The following KCNQ5 variants were observed in gnomAD, a reference collection of about 807,000 sequenced individuals.
KCNQ5 encodes potassium voltage-gated channel subfamily KQT member 5.
A neutral mutation model predicts 98.2 loss-of-function variants in KCNQ5; 30 were observed. The observed-to-expected ratio is 0.31, with a 90% confidence interval of 0.23 to 0.41. The LOEUF (loss-of-function observed/expected upper bound fraction) is 0.41. Among genes scored for constraint, KCNQ5 ranks in the 10% least tolerant of loss-of-function variants. The pLI is 1.00. For missense variants in KCNQ5, 835 were observed against 1,182.5 expected (o/e 0.71, Z 4.31); for synonymous variants, 458 against 449.4 (o/e 1.02, Z -0.24).
chr6:72,622,540 C>A lies in KCNQ5; in HGVS notation c.351C>A (p.Asn117Lys), dbSNP rs776481727. 1 of 1,611,426 alleles carries A rather than the reference C, an allele frequency of 6.2e-7. No individual in the cohort carries two copies. The highest frequency in any genetic ancestry group is 2.2e-5 in the East Asian group (1 of 44,594). ...KYRRVQNYLYNVLERPRGWAF... is the reference protein window; with the variant it reads ...KYRRVQNYLYKVLERPRGWAF... ...GGCGGGTGCAGAACTACCTGTACAACGTGCTGGAGAGACCCCGCGGCTGGG... is the reference window on the plus strand; with the variant it reads ...GGCGGGTGCAGAACTACCTGTACAAAGTGCTGGAGAGACCCCGCGGCTGGG... The change falls in exon 1 of 14, where the codon AAC becomes AAA. Residue 117 changes from asparagine (N) to lysine (K), a missense_variant. Physicochemically the swap from Asn to Lys is moderately conservative, Grantham distance 94. This residue lies in a region of KCNQ5 where 19 missense variants were observed against 29.6 expected (regional missense o/e 0.64). Transcript: ENST00000370398. This position sits in a 1 kb window ranked among gnomAD's most constrained non-coding sequence, Gnocchi z 6.0.
chr6:73,016,723 G>A lies in KCNQ5; in HGVS notation c.489+12725G>A, dbSNP rs529465941. 8.5e-5 allele frequency among the ~76,000 whole-genome samples: 13 copies of A among 152,198 alleles called. No homozygotes were observed. The South Asian group carries it at 2.7e-3, about 32-fold the overall frequency. ...AGGGCATGGACTAGAACAATATAGAGAACTTACAGGTTAAACCAAAACTGT... is the reference window on the plus strand; with the variant it reads ...AGGGCATGGACTAGAACAATATAGAAAACTTACAGGTTAAACCAAAACTGT... On this transcript the variant is annotated intron_variant, in intron 2 of 13. Transcript: ENST00000370398.
intron 1 of KCNQ5, among the ~76,000 whole-genome samples, chr6:72,823,788 T>A (rs1242971048): frequency 6.6e-6 from 1 of 152,200 alleles, no homozygotes; most frequent in African/African-American, 2.4e-5. Context: ...TGAAAAAAAA[T>A]TCCGAATTAT....
At chr6:73,028,923 G>A (rs1432844048) in intron 2 of KCNQ5, among the ~76,000 whole-genome samples, 1 of 152,118 alleles carries the variant, frequency 6.6e-6, no homozygotes, top group African/African-American at 2.4e-5. Context: ...GTAGAGGAGG[G>A]TTTCAAGTTA....
At chr6:72,657,640 A>G (rs999046358) in intron 1 of KCNQ5, among the ~76,000 whole-genome samples, 4 of 152,216 alleles carry the variant, frequency 2.6e-5, no homozygotes, top group Non-Finnish European at 4.4e-5. Flanking sequence ...AGAGTTGCAT[A>G]ATGTGCCAAG....
intron 1 of KCNQ5, among the ~76,000 whole-genome samples, chr6:72,791,940 C>A (rs189732894): frequency 1.7e-4 from 26 of 152,280 alleles, no homozygotes; most frequent in Admixed American, 1.6e-3. Flanking sequence ...AACACTATTG[C>A]ATTGGAGATT....
At chr6:72,802,650 G>A (rs7741592) in intron 1 of KCNQ5, among the ~76,000 whole-genome samples, 3,823 of 152,050 alleles carry the variant, frequency 0.025, 149 homozygotes, top group African/African-American at 0.086. Context: ...TGAGCTTTTT[G>A]CACATTTCTG....
intron 2 of KCNQ5, among the ~76,000 whole-genome samples, chr6:73,041,399 G>C (rs1462601068): frequency 3.3e-5 from 5 of 152,190 alleles, no homozygotes; most frequent in Non-Finnish European, 7.4e-5. Context: ...TAATGCTTTT[G>C]AAACTTACTG....
At chr6:72,892,297 T>C (rs1362214630) in intron 1 of KCNQ5, among the ~76,000 whole-genome samples, 2 of 152,222 alleles carry the variant, frequency 1.3e-5, no homozygotes, top group African/African-American at 4.8e-5. Context: ...AGGCTCTTAC[T>C]GCTCTAGGTT....
chr6:73,045,700 G>T (rs546965926), intron 3 of KCNQ5, among the ~76,000 whole-genome samples: 1 of 152,106 alleles, frequency 6.6e-6, no homozygotes, highest in South Asian at 2.1e-4. Flanking sequence ...CCCAAAAATT[G>T]CAAATAGACC....
At chr6:72,764,850 CAAGT>C (rs1008290751) in intron 1 of KCNQ5, among the ~76,000 whole-genome samples, 1 of 152,078 alleles carries the variant, frequency 6.6e-6, no homozygotes, top group Non-Finnish European at 1.5e-5. Flanking sequence ...AGATCCCAAA[CAAGT>C]GAGTGAGAAC....
chr6:72,926,614 G>T (rs1765432246), intron 1 of KCNQ5, among the ~76,000 whole-genome samples: 1 of 152,076 alleles, frequency 6.6e-6, no homozygotes, highest in African/African-American at 2.4e-5. Context: ...AGAAAAACTT[G>T]TAATTGTGAA....
chr6:72,895,795 G>GA (rs1779231695), intron 1 of KCNQ5, among the ~76,000 whole-genome samples: 1 of 151,362 alleles, frequency 6.6e-6, no homozygotes, highest in African/African-American at 2.4e-5. Context: ...TTAAAGAATG[G>GA]AAAAAGGACT....
intron 1 of KCNQ5, among the ~76,000 whole-genome samples, chr6:72,766,427 A>T (rs1055793352): frequency 6.6e-6 from 1 of 151,992 alleles, no homozygotes; most frequent in Non-Finnish European, 1.5e-5. Context: ...TCTGTATTTT[A>T]AAATAATCAC....
intron 2 of KCNQ5, among the ~76,000 whole-genome samples, chr6:73,020,394 G>C: frequency 6.6e-6 from 1 of 151,314 alleles, no homozygotes; most frequent in East Asian, 1.9e-4. Context: ...AAAGGATACA[G>C]ATGAAGAGAT....
intron 1 of KCNQ5, among the ~76,000 whole-genome samples, chr6:72,680,864 A>C (rs1393022801): frequency 6.6e-6 from 1 of 152,220 alleles, no homozygotes; most frequent in Non-Finnish European, 1.5e-5. Context: ...AGTCCTAAAT[A>C]ACCCAAAAGG....
intron 5 of KCNQ5, among the ~76,000 whole-genome samples, chr6:73,085,224 C>T (rs1259078292): frequency 2.0e-5 from 3 of 152,158 alleles, no homozygotes; most frequent in Admixed American, 2.0e-4. Flanking sequence ...TTATTGTAAG[C>T]ACATCTTAAA....
chr6:73,031,121 C>T (rs534315792), intron 2 of KCNQ5, among the ~76,000 whole-genome samples: 31 of 152,318 alleles, frequency 2.0e-4, no homozygotes, highest in South Asian at 6.2e-4. Context: ...CTTTCCCCCA[C>T]AGCTTGTCTT....
chr6:72,920,165 G>T (rs112440438), intron 1 of KCNQ5, among the ~76,000 whole-genome samples: 1,725 of 152,140 alleles, frequency 0.011, 33 homozygotes, highest in South Asian at 0.067. Context: ...AGCCAAGCAG[G>T]TGCCTCTGAT....
rs367592035 is a variant in KCNQ5 at position 72,908,516 on chromosome 6, C to T, written c.399-95392C>T. Among the ~76,000 whole-genome samples, 209 of 152,110 alleles carry T rather than the reference C, an allele frequency of 1.4e-3. 1 individual carries two copies. In the Middle Eastern group the frequency reaches 0.02, roughly 15 times the overall value. On this transcript the variant is annotated intron_variant, in intron 1 of 13. Transcript: ENST00000370398. Reference sequence around the variant, plus strand: ...AATTTGTAATTTTGATCTTTATTTTCCCCAGACATTTAAAAATATGTCAAA... The same window carrying T: ...AATTTGTAATTTTGATCTTTATTTTTCCCAGACATTTAAAAATATGTCAAA...
Sources: gnomAD v4.1 joint callset for allele counts (sites outside exome capture counted in the v4.1 genomes callset) on GRCh38, gnomAD v4.1.1 for gene constraint, gnomAD v4.1.1 regional missense constraint, Gnocchi (gnomAD v3.1) non-coding constraint, MANE v1.5 for transcripts, NCBI Gene and HGNC (gene_info 2026-07-23, HGNC 2026-07-21) for gene names.